Variants in ABCA3 observed in about 807,000 individuals in gnomAD.
ABCA3 encodes the protein ATP binding cassette subfamily A member 3.
A neutral mutation model predicts 172.8 loss-of-function variants in ABCA3; 88 were observed. The ratio of observed to expected loss-of-function variants is 0.51; its 90% CI spans 0.43 to 0.61. The LOEUF is 0.61. ABCA3 is among the 20% of genes least tolerant of loss of function. ABCA3 has a pLI of 0.00. For synonymous variants in ABCA3, 1,066 were observed against 983.8 expected, an observed-to-expected ratio of 1.08 and a Z score of -1.56; for missense variants, 2,164 against 2,301.0, an observed-to-expected ratio of 0.94 and a Z score of 1.22.
Position 2,298,519 on chromosome 16 carries a change from C to A in ABCA3, c.1763G>T (p.Gly588Val). 6.2e-7 allele frequency: 1 copy of A among 1,613,870 alleles called. No homozygotes were observed. Among genetic ancestry groups the A allele is most frequent in the Non-Finnish European group, 8.5e-7 (1 of 1,180,030 alleles). Reference protein sequence around the residue: ...MLTGLFPPTSGRAYISGYEIS... With the variant: ...MLTGLFPPTSVRAYISGYEIS... ...TTCATACCCGCTGATGTATGCCCGT[C>A]CACTGGTGGGGGGAAAGAGACCTGG... Residue 588 changes from glycine to valine, a missense_variant, in exon 15 of 33, where the codon GGA becomes GTA. Gly to Val is a moderately radical substitution (Grantham distance 109). This residue lies in a region of ABCA3 where 1,343 missense variants were observed against 1,369.6 expected (regional missense o/e 0.98). Coordinates refer to ENST00000301732, the MANE Select transcript of ABCA3 (RefSeq NM_001089.3).
At chr16:2,336,489 G>A (rs1212210936) in intron 1 of ABCA3, among the ~76,000 whole-genome samples, 1 of 151,158 alleles carries the variant, frequency 6.6e-6, no homozygotes, top group Non-Finnish European at 1.5e-5. Context: ...GGAGTGCAAA[G>A]GTGCAATCTC....
Position 2,277,794 on chromosome 16 carries a change from C to A in ABCA3, c.4909+85G>T. 1 of 1,593,428 alleles carries A rather than the reference C, an allele frequency of 6.3e-7. No individual in the cohort carries two copies. Among genetic ancestry groups the A allele is most frequent in the Non-Finnish European group, 8.6e-7 (1 of 1,169,544 alleles). On this transcript the variant is annotated intron_variant, in intron 31 of 32. Coordinates refer to ENST00000301732, the MANE Select transcript of ABCA3 (RefSeq NM_001089.3). The surrounding 1 kb of genome is among the most constrained non-coding windows in gnomAD (Gnocchi z 5.3). ...GGAGATGGGACTTGGCGGGGCGAGG[C>A]ACAGACGCTCCGCACAGCAGATGGG...
intron 28 of ABCA3, among the ~76,000 whole-genome samples, chr16:2,280,520 G>A (rs919508980): frequency 7.2e-5 from 11 of 152,126 alleles, no homozygotes; most frequent in African/African-American, 2.2e-4. Context: ...AGAGGACTCC[G>A]CGGCCACTTC....
intron 11 of ABCA3, among the ~76,000 whole-genome samples, chr16:2,308,149 T>C (rs934309575): frequency 1.4e-4 from 21 of 152,236 alleles, no homozygotes; most frequent in Admixed American, 1.2e-3. Context: ...GATGCGTATG[T>C]GGTGCCAACG....
At chr16:2,329,432 C>G (rs2093739639) in intron 2 of ABCA3, among the ~76,000 whole-genome samples, 1 of 152,182 alleles carries the variant, frequency 6.6e-6, no homozygotes, top group African/African-American at 2.4e-5. Context: ...GATGAACGTT[C>G]TGCCTCTACC....
At chr16:2,300,567 T>G (rs111920374) in intron 12 of ABCA3, among the ~76,000 whole-genome samples, 4 of 152,168 alleles carry the variant, frequency 2.6e-5, no homozygotes, top group African/African-American at 9.7e-5. Context: ...TTCATGACTG[T>G]AAGCAAGAGA....
chr16:2,332,707 T>C, intron 1 of ABCA3: 2 of 1,512,300 alleles, frequency 1.3e-6, no homozygotes, highest in Non-Finnish European at 1.8e-6. Flanking sequence ...GGCTGTCTTC[T>C]TGTGTCCAAA....
intron 7 of ABCA3, among the ~76,000 whole-genome samples, chr16:2,321,847 G>T (rs930306001): frequency 2.6e-5 from 4 of 152,164 alleles, no homozygotes; most frequent in Non-Finnish European, 4.4e-5. Flanking sequence ...ACACAGAGAA[G>T]GCCCGGCAGA....
At chr16:2,307,922 T>C (rs1596852289) in intron 11 of ABCA3, among the ~76,000 whole-genome samples, 1 of 152,262 alleles carries the variant, frequency 6.6e-6, no homozygotes, top group East Asian at 1.9e-4. Context: ...TGTAATAATT[T>C]TGAATGTCTC....
chr16:2,284,407 A>G lies in ABCA3; in HGVS notation c.3734T>C (p.Leu1245Pro). The G allele has an allele frequency of 6.2e-7, 1 of 1,613,972 alleles. No individual in the cohort carries two copies. Among genetic ancestry groups the G allele is most frequent in the Non-Finnish European group, 8.5e-7 (1 of 1,180,016 alleles). The change falls in exon 25 of 33, where the codon CTG becomes CCG. Residue 1245 changes from leucine to proline, a missense_variant. Leu to Pro is a moderately conservative substitution (Grantham distance 98). Coordinates refer to ENST00000301732, the MANE Select transcript of ABCA3 (RefSeq NM_001089.3). This position sits in a 1 kb window ranked among gnomAD's most constrained non-coding sequence, Gnocchi z 5.9. ...AVKLEELSKT[L>P]DHVFLVLPNH... is the part of the protein sequence containing the mutation. ...GGGCAGCACCAGGAACACGTGATCC[A>G]GGGTTTTGGAAAGTTCTTCCAGTTT...
At chr16:2,289,343 C>G (rs1198196060) in intron 20 of ABCA3, 91 bp downstream of exon 20, 3 of 1,486,064 alleles carry the variant, frequency 2.0e-6, no homozygotes, top group Admixed American at 2.0e-5. Context: ...TGTTTGCGCC[C>G]TCGCAGACTC....
At chr16:2,301,214 G>C (rs1326559091) in intron 12 of ABCA3, among the ~76,000 whole-genome samples, 2 of 149,082 alleles carry the variant, frequency 1.3e-5, no homozygotes, top group South Asian at 2.1e-4. Context: ...CTGGGCGACA[G>C]AGCGAGACTC....
intron 8 of ABCA3, among the ~76,000 whole-genome samples, chr16:2,318,765 G>A (rs1016053037): frequency 7.9e-5 from 12 of 151,976 alleles, no homozygotes; most frequent in Non-Finnish European, 1.6e-4. Flanking sequence ...CGCCCACCTC[G>A]ACCTCCCAAG....
intron 11 of ABCA3, among the ~76,000 whole-genome samples, chr16:2,307,448 G>A (rs992113302): frequency 3.3e-5 from 5 of 152,058 alleles, no homozygotes; most frequent in African/African-American, 9.6e-5. Context: ...CCAGGTACTC[G>A]GGAGGCTGAG....
At chr16:2,314,551 T>C (rs1285950951) in intron 10 of ABCA3, among the ~76,000 whole-genome samples, 2 of 151,850 alleles carry the variant, frequency 1.3e-5, no homozygotes, top group African/African-American at 2.4e-5. Context: ...TGCACAACGA[T>C]GTGAATGCTT....
Position 2,335,811 on chromosome 16 carries a change from G to A in ABCA3, c.-539+4762C>T, listed in dbSNP as rs892942409. Reference sequence around the variant, plus strand: ...CAAAAACTCAAGACCCTTAAATAGCGAAAGCTTTACAATGCTTCGCAGTGA... The same window carrying A: ...CAAAAACTCAAGACCCTTAAATAGCAAAAGCTTTACAATGCTTCGCAGTGA... On this transcript the variant is annotated intron_variant, in intron 1 of 32. Transcript: ENST00000301732. Among the ~76,000 whole-genome samples, 27 of 152,164 alleles carry A rather than the reference G, an allele frequency of 1.8e-4. 1 individual carries two copies. Among genetic ancestry groups the A allele is most frequent in the Admixed American group, 1.8e-3 (27 of 15,268 alleles).
At position 2,277,578 on chromosome 16, in the gene ABCA3, G is replaced by A; in HGVS notation, c.4983+19C>T. On this transcript the variant is annotated intron_variant, in intron 32 of 32. Transcript: ENST00000301732. The surrounding 1 kb of genome is among the most constrained non-coding windows in gnomAD (Gnocchi z 5.3). The stretch of plus-strand genomic sequence containing the variant: ...CCCTGCCCCATGAGTGCCCAGTGGG[G>A]CCCCAGGGACTGCCTCACCTTCGCC... 6.2e-7 allele frequency: 1 copy of A among 1,612,642 alleles called. No individual in the cohort carries two copies. Among genetic ancestry groups the A allele is most frequent in the Non-Finnish European group, 8.5e-7 (1 of 1,179,862 alleles).
At chr16:2,303,730 C>G (rs2093693137) in intron 12 of ABCA3, among the ~76,000 whole-genome samples, 1 of 152,176 alleles carries the variant, frequency 6.6e-6, no homozygotes, top group South Asian at 2.1e-4. Flanking sequence ...CTCTGCACCC[C>G]TCTGTCTCAG....
chr16:2,315,202 TTACACA>T (rs2093713161), intron 10 of ABCA3, among the ~76,000 whole-genome samples: 3 of 119,446 alleles, frequency 2.5e-5, no homozygotes, highest in Non-Finnish European at 3.7e-5. Flanking sequence ...TGTATGTATT[TTACACA>T]CACACACACA....
Sources: allele counts gnomAD v4.1 joint callset (sites outside exome capture counted in the v4.1 genomes callset), GRCh38; gene constraint gnomAD v4.1.1; regional missense constraint gnomAD v4.1.1; non-coding constraint Gnocchi (gnomAD v3.1); transcripts MANE v1.5; gene names NCBI Gene and HGNC (gene_info 2026-07-23, HGNC 2026-07-21).